The following MICAL2 variants were observed in gnomAD, a reference collection of about 807,000 sequenced individuals.
MICAL2 encodes [F-actin]-monooxygenase MICAL2.
Under a neutral mutation model 127.3 loss-of-function variants are expected in MICAL2, and 77 were observed. That is an observed-to-expected ratio of 0.60 (90% CI 0.50 to 0.73). The LOEUF (loss-of-function observed/expected upper bound fraction) is 0.73. MICAL2 is among the 30% of genes least tolerant of loss of function. The probability of loss-of-function intolerance (pLI) is 0.00; values close to 1 mark genes in which losing one functional copy is unlikely to be tolerated. For synonymous variants in MICAL2, 570 were observed against 551.1 expected, an observed-to-expected ratio of 1.03 and a Z score of -0.48; for missense variants, 1,351 against 1,434.4, an observed-to-expected ratio of 0.94 and a Z score of 0.94.
At chr11:12,210,505 A>G (rs1404254889) in intron 6 of MICAL2, among the ~76,000 whole-genome samples, 1 of 152,232 alleles carries the variant, frequency 6.6e-6, no homozygotes, top group Non-Finnish European at 1.5e-5. Flanking sequence ...CGCCTGGCTC[A>G]GGACCTTCCC....
chr11:12,163,804 C>T (rs1260260580), intron 3 of MICAL2: 3 of 152,156 alleles, frequency 2.0e-5, no homozygotes, highest in Non-Finnish European at 2.9e-5. Context: ...CGGGGTGGCT[C>T]TTCAGAGTTA....
intron 9 of MICAL2, 65 bp downstream of exon 9, chr11:12,220,523 A>G (rs757616704): frequency 1.1e-4 from 179 of 1,566,952 alleles, no homozygotes; most frequent in Admixed American, 3.1e-4. Flanking sequence ...GTATTCTGGC[A>G]GGCAGTATCT....
intron 6 of MICAL2, among the ~76,000 whole-genome samples, chr11:12,211,696 T>C (rs1253217184): frequency 1.3e-5 from 2 of 152,118 alleles, no homozygotes; most frequent in South Asian, 2.1e-4. Context: ...TTAACCTCAA[T>C]AGGGAAAGTA....
Position 12,242,301 on chromosome 11 carries a change from G to T in MICAL2, c.2425G>T (p.Ala809Ser), listed in dbSNP as rs765630217. 6.2e-7 allele frequency: 1 copy of T among 1,614,144 alleles called. No individual in the cohort carries two copies. Among genetic ancestry groups the T allele is most frequent in the South Asian group, 1.1e-5 (1 of 91,076 alleles). ...TGAGTGCCTGAGCAGACCTTGGAGA[G>T]CCAGAGCCAAGTCTGACCTACAGCT... ...GSECLSRPWR[A>S]RAKSDLQLGG... Residue 809 changes from alanine (A) to serine (S), a missense_variant, in exon 19 of 28, where the codon GCC becomes TCC. Ala to Ser is a moderately conservative substitution (Grantham distance 99). Around this residue, in one of 2 missense-constraint regions of MICAL2, gnomAD observed 752 missense variants for 719.4 expected, o/e 1.05. Transcript: ENST00000683283.
At chr11:12,178,440 C>T (rs1857073425) in intron 3 of MICAL2, among the ~76,000 whole-genome samples, 1 of 149,554 alleles carries the variant, frequency 6.7e-6, no homozygotes, top group African/African-American at 2.5e-5. Context: ...TAGGCAAAGA[C>T]ATGAATCAAT....
chr11:12,314,391 A>G (rs1007313174), intron 29 of MICAL2, among the ~76,000 whole-genome samples: 2 of 152,136 alleles, frequency 1.3e-5, no homozygotes, highest in Admixed American at 6.5e-5. Context: ...GTTACCCAAG[A>G]GACTATAATG....
At position 12,173,593 on chromosome 11, in the gene MICAL2, G is replaced by T. The variant is rs7935203; in HGVS notation, c.264+11174G>T. Among the ~76,000 whole-genome samples, 698 of 152,214 alleles carry T rather than the reference G, an allele frequency of 4.6e-3. 13 individuals are homozygous for T. The highest frequency in any genetic ancestry group is 0.016 in the African/African-American group (649 of 41,524). On this transcript the variant is annotated intron_variant, in intron 3 of 27. Coordinates refer to ENST00000683283, the MANE Select transcript of MICAL2 (RefSeq NM_001282663.2). ...TTTCTAGGTGTACAATTAATTCAGC[G>T]GCATTAATTACATTCTGGATGACGT...
chr11:12,240,677 C>A (rs921324776), intron 17 of MICAL2, among the ~76,000 whole-genome samples: 1 of 152,238 alleles, frequency 6.6e-6, no homozygotes, highest in African/African-American at 2.4e-5. Flanking sequence ...GGGCAGGAAG[C>A]TTTTCTGTTT....
chr11:12,361,871 G>A (rs762700828), downstream of MICAL2, among the ~76,000 whole-genome samples: 2 of 152,238 alleles, frequency 1.3e-5, no homozygotes, highest in Non-Finnish European at 2.9e-5. Flanking sequence ...GGGGGCAGCC[G>A]GGGCCGCCAC....
chr11:12,207,631 A>T (rs1340479616), intron 4 of MICAL2: 4 of 165,040 alleles, frequency 2.4e-5, no homozygotes, highest in South Asian at 3.4e-4. Flanking sequence ...TCTTCATTTC[A>T]TCAAACCCAG....
chr11:12,332,686 TGTGCGTGCA>T (rs2134864615), intron 32 of MICAL2, among the ~76,000 whole-genome samples: 1 of 152,296 alleles, frequency 6.6e-6, no homozygotes, highest in South Asian at 2.1e-4. Context: ...AGATGGCACC[TGTGCGTGCA>T]GTGAGTTGTC....
At chr11:12,334,267 C>T (rs370456603) in intron 32 of MICAL2, among the ~76,000 whole-genome samples, 1 of 152,140 alleles carries the variant, frequency 6.6e-6, no homozygotes, top group Non-Finnish European at 1.5e-5. Flanking sequence ...AACCTATGCA[C>T]GTCCTCTTGC....
downstream of MICAL2, among the ~76,000 whole-genome samples, chr11:12,296,769 A>G (rs1048909880): frequency 6.6e-6 from 1 of 151,800 alleles, no homozygotes; most frequent in African/African-American, 2.4e-5. Flanking sequence ...TTTATATACT[A>G]TATTTTTTCT....
intron 29 of MICAL2, among the ~76,000 whole-genome samples, chr11:12,306,733 G>T (rs1864114809): frequency 2.0e-5 from 3 of 152,034 alleles, no homozygotes; most frequent in Admixed American, 6.6e-5. Context: ...TTTGTGTCTG[G>T]CTTCTTTCAC....
At chr11:12,152,213 G>C (rs1409801479) in intron 2 of MICAL2, among the ~76,000 whole-genome samples, 1 of 137,194 alleles carries the variant, frequency 7.3e-6, no homozygotes, top group Non-Finnish European at 1.5e-5. Flanking sequence ...CAGGAGAATC[G>C]CTTGAACCCA....
chr11:12,223,778 G>A (rs1857095303), intron 12 of MICAL2, among the ~76,000 whole-genome samples: 1 of 152,186 alleles, frequency 6.6e-6, no homozygotes, highest in South Asian at 2.1e-4. Context: ...ATTTCACTGG[G>A]ACTTGTTCTT....
chr11:12,214,452 A>T (rs1479221589), intron 7 of MICAL2, among the ~76,000 whole-genome samples: 1 of 152,106 alleles, frequency 6.6e-6, no homozygotes, highest in Non-Finnish European at 1.5e-5. Flanking sequence ...AGCTTTTCTC[A>T]TTCAGTGTCA....
intron 29 of MICAL2, among the ~76,000 whole-genome samples, chr11:12,311,720 A>G (rs1864176684): frequency 6.6e-6 from 1 of 152,124 alleles, no homozygotes; most frequent in South Asian, 2.1e-4. Flanking sequence ...TTTTCTTTAT[A>G]TCTTTATCAG....
Position 12,162,067 on chromosome 11 carries a change from C to A in MICAL2, c.-77-12C>A. On this transcript the variant is annotated splice_polypyrimidine_tract_variant and intron_variant, in intron 2 of 27. Coordinates refer to ENST00000683283, the MANE Select transcript of MICAL2 (RefSeq NM_001282663.2). ...GTCCAAAGCTGACCTCTGCCTCCCC[C>A]TACTTTCACAGGTGTGACGTTTCTC... 3 of 1,571,946 alleles carry A rather than the reference C, an allele frequency of 1.9e-6. No homozygotes were observed. Among genetic ancestry groups the A allele is most frequent in the East Asian group, 2.3e-5 (1 of 44,424 alleles).
Sources: allele counts gnomAD v4.1 joint callset (sites outside exome capture counted in the v4.1 genomes callset), GRCh38; gene constraint gnomAD v4.1.1; regional missense constraint gnomAD v4.1.1; transcripts MANE v1.5; gene names NCBI Gene and HGNC (gene_info 2026-07-23, HGNC 2026-07-21).